Variants in KCTD1 observed in about 807,000 individuals in gnomAD.
KCTD1 encodes potassium channel tetramerization domain containing 1.
A neutral mutation model predicts 66.0 loss-of-function variants in KCTD1; 24 were observed. The observed-to-expected ratio is 0.36, with a 90% confidence interval of 0.26 to 0.51. KCTD1 has a LOEUF of 0.51. Among genes scored for constraint, KCTD1 ranks in the 20% least tolerant of loss-of-function variants. KCTD1 has a pLI of 0.95. For synonymous variants in KCTD1, 511 were observed against 517.2 expected (o/e 0.99, Z 0.16); for missense variants, 943 against 1,205.2 (o/e 0.78, Z 3.22).
At chr18:26,464,284 C>T (rs1465983049) in intron 3 of KCTD1, among the ~76,000 whole-genome samples, 2 of 152,328 alleles carry the variant, frequency 1.3e-5, no homozygotes, top group East Asian at 1.9e-4. Flanking sequence ...CCAGAGGCTG[C>T]GAGAATTCCT....
chr18:26,656,620 A>G (rs1988150197), intron 1 of KCTD1, among the ~76,000 whole-genome samples: 1 of 150,892 alleles, frequency 6.6e-6, no homozygotes, highest in Non-Finnish European at 1.5e-5. Flanking sequence ...GGGGGAAGGA[A>G]AAACCGCCCC....
intron 1 of KCTD1, among the ~76,000 whole-genome samples, chr18:26,522,318 G>A (rs1983951806): frequency 6.6e-6 from 1 of 152,180 alleles, no homozygotes; most frequent in Non-Finnish European, 1.5e-5. Flanking sequence ...GAGCTTCAAG[G>A]CAGAGATCGA....
At chr18:26,585,481 T>G (rs1429774069) in intron 1 of KCTD1, among the ~76,000 whole-genome samples, 1 of 152,330 alleles carries the variant, frequency 6.6e-6, no homozygotes, top group Non-Finnish European at 1.5e-5. Context: ...CATTTTTTAA[T>G]GAGAGGTTTC....
chr18:26,523,137 C>T (rs116749834), intron 1 of KCTD1, among the ~76,000 whole-genome samples: 2,155 of 152,066 alleles, frequency 0.014, 54 homozygotes, highest in African/African-American at 0.049. Context: ...GAAACCGTGG[C>T]GCTAGATATT....
At chr18:26,502,678 G>C (rs1178933540) in intron 1 of KCTD1, among the ~76,000 whole-genome samples, 7 of 152,140 alleles carry the variant, frequency 4.6e-5, no homozygotes. Flanking sequence ...TGAAGAGTAA[G>C]CTAAAATAGC....
intron 1 of KCTD1, among the ~76,000 whole-genome samples, chr18:26,608,425 G>A (rs1987064309): frequency 6.6e-6 from 1 of 152,134 alleles, no homozygotes; most frequent in Non-Finnish European, 1.5e-5. Context: ...TTTGTTATGT[G>A]CCAGTTGGAC....
chr18:26,600,155 G>A, intron 1 of KCTD1: 1 of 1,606,294 alleles, frequency 6.2e-7, no homozygotes, highest in Non-Finnish European at 8.5e-7. Flanking sequence ...AACTGCACCT[G>A]TGGCCTTGCC....
chr18:26,629,296 A>AAGCTAACGAACTG, upstream of KCTD1: 1 of 681,108 alleles, frequency 1.5e-6, no homozygotes, highest in Non-Finnish European at 1.8e-6. Flanking sequence ...TCTGCCCTGC[A>AAGCTAACGAACTG]AGCTAACCAA....
At chr18:26,508,666 G>A (rs1453904680) in intron 1 of KCTD1, among the ~76,000 whole-genome samples, 1 of 151,856 alleles carries the variant, frequency 6.6e-6, no homozygotes, top group Non-Finnish European at 1.5e-5. Flanking sequence ...ATTTAATACA[G>A]ATCATAACTT....
intron 1 of KCTD1, among the ~76,000 whole-genome samples, chr18:26,577,837 G>A (rs984692920): frequency 2.0e-5 from 3 of 151,986 alleles, no homozygotes; most frequent in African/African-American, 7.2e-5. Context: ...GCCTCCCAAA[G>A]TGCTGGAATT....
At chr18:26,548,749 C>A (rs1985409030), upstream of KCTD1, 1 of 1,109,242 alleles carries the variant, frequency 9.0e-7, no homozygotes, top group African/African-American at 1.7e-5. Flanking sequence ...ACAAGTTAGA[C>A]CGGAGAGATA....
intron 1 of KCTD1, among the ~76,000 whole-genome samples, chr18:26,608,728 C>T (rs1987071705): frequency 1.3e-5 from 2 of 152,174 alleles, no homozygotes; most frequent in Non-Finnish European, 2.9e-5. Flanking sequence ...GCTTTACCCA[C>T]TTTATATTGA....
At position 26,564,063 on chromosome 18, in the gene KCTD1, C is replaced by T. The variant is rs191644016; in HGVS notation, c.-15-62813G>A. Among the ~76,000 whole-genome samples the T allele has an allele frequency of 3.2e-3, 489 of 151,748 alleles. 11 individuals are homozygous for T. Among genetic ancestry groups the T allele is most frequent in the Admixed American group, 0.029 (442 of 15,252 alleles). On this transcript the variant is annotated intron_variant, in intron 1 of 4. Transcript: ENST00000317932. Reference sequence around the variant, plus strand: ...GCATTGCCTAGCATAGCTACTGGCACGTAGAAGGTATTTGACAGATGTTTC... The same window carrying T: ...GCATTGCCTAGCATAGCTACTGGCATGTAGAAGGTATTTGACAGATGTTTC...
upstream of KCTD1, among the ~76,000 whole-genome samples, chr18:26,631,892 C>CAA (rs11416173): frequency 1.0e-4 from 15 of 150,102 alleles, no homozygotes; most frequent in East Asian, 2.0e-4. Flanking sequence ...ACTAAAAATA[C>CAA]AAAAAAAATT....
chr18:26,582,927 T>C (rs982352660), intron 1 of KCTD1, among the ~76,000 whole-genome samples: 3 of 151,946 alleles, frequency 2.0e-5, no homozygotes, highest in African/African-American at 7.2e-5. Flanking sequence ...AAAATTAATA[T>C]TGAAATATGA....
At chr18:26,605,357 T>C (rs1444944632) in intron 1 of KCTD1, among the ~76,000 whole-genome samples, 1 of 152,188 alleles carries the variant, frequency 6.6e-6, no homozygotes, top group African/African-American at 2.4e-5. Flanking sequence ...GTATCACCCT[T>C]TTTCCTTTGC....
At chr18:26,516,748 C>G (rs952981288) in intron 1 of KCTD1, among the ~76,000 whole-genome samples, 2 of 152,150 alleles carry the variant, frequency 1.3e-5, no homozygotes, top group African/African-American at 4.8e-5. Flanking sequence ...ATAAACAGTA[C>G]TGATGATGAC....
At chr18:26,612,027 C>T (rs1488277960) in intron 1 of KCTD1, among the ~76,000 whole-genome samples, 1 of 152,206 alleles carries the variant, frequency 6.6e-6, no homozygotes. Flanking sequence ...TCCAATCTGG[C>T]TGGTAGGAAC....
Position 26,501,194 on chromosome 18 carries a change from C to T in KCTD1, c.1866G>A (p.Leu622=), listed in dbSNP as rs1169745071. Residue 622 remains leucine, a synonymous_variant, in exon 2 of 5, where the codon CTG becomes CTA. Transcript: ENST00000580059. ...CTGGAGTAGGGATGCCTTGGTTGTT[C>T]AGTGGAGATGCAGGGGATCTAGTGA... ...PLITRSPASP[L]NNQGIPTPAQ... The T allele has an allele frequency of 2.5e-6, 4 of 1,614,102 alleles. No homozygotes were observed. The highest frequency in any genetic ancestry group is 2.5e-6 in the Non-Finnish European group (3 of 1,180,024).
Sources: allele counts gnomAD v4.1 joint callset (sites outside exome capture counted in the v4.1 genomes callset), GRCh38; gene constraint gnomAD v4.1.1; transcripts MANE v1.5; gene names NCBI Gene and HGNC (gene_info 2026-07-23, HGNC 2026-07-21).